The following ZNF831 variants were observed in gnomAD, a reference collection of about 807,000 sequenced individuals.
ZNF831 encodes zinc finger protein 831, also known as chromosome 20 open reading frame 174.
In ZNF831, 59 loss-of-function variants were observed where a neutral mutation model predicts 95.8. That is an observed-to-expected ratio of 0.62 (90% CI 0.50 to 0.77). The LOEUF (loss-of-function observed/expected upper bound fraction) is 0.77. ZNF831 is among the 30% of genes least tolerant of loss of function. The probability of loss-of-function intolerance (pLI) is 0.00; values close to 1 mark genes in which losing one functional copy is unlikely to be tolerated. For missense variants in ZNF831, 2,205 were observed against 2,164.0 expected (o/e 1.02, Z -0.38); for synonymous variants, 961 against 925.5 (o/e 1.04, Z -0.70).
chr20:59,158,944 G>A (rs901542807), upstream of ZNF831, among the ~76,000 whole-genome samples: 13 of 152,092 alleles, frequency 8.5e-5, no homozygotes, highest in African/African-American at 3.1e-4. Flanking sequence ...TTATGTGCAC[G>A]TCACCAGTCT....
At chr20:59,216,783 G>T (rs2146662510) in intron 4 of ZNF831, among the ~76,000 whole-genome samples, 1 of 152,194 alleles carries the variant, frequency 6.6e-6, no homozygotes, top group South Asian at 2.1e-4. Context: ...CCTCAGTCGG[G>T]GCCTGAAATT....
In ZNF831 at chr20:59,217,162, C is replaced by CTCTGTGTGTGTGTG. The variant is rs375503499; in HGVS notation, c.4027+10107_4027+10108insCTGTGTGTGTGTGT. 4.0e-5 allele frequency among the ~76,000 whole-genome samples: 6 copies of CTCTGTGTGTGTGTG among 148,618 alleles called. No individual in the cohort carries two copies. Among genetic ancestry groups the CTCTGTGTGTGTGTG allele is most frequent in the African/African-American group, 1.2e-4 (5 of 40,146 alleles). On this transcript the variant is annotated intron_variant, in intron 4 of 5. Coordinates refer to ENST00000371030, the MANE Select transcript of ZNF831 (RefSeq NM_178457.3). The surrounding 1 kb of genome is among the most constrained non-coding windows in gnomAD (Gnocchi z 4.4). ...GAGTACATCTGACAGATCTTCATCT[C>CTCTGTGTGTGTGTG]TGTGTGTGTGTGTGTGTGTGTGTGT...
chr20:59,233,043 C>CAT (rs1555834552), intron 4 of ZNF831, among the ~76,000 whole-genome samples: 2 of 134,374 alleles, frequency 1.5e-5, no homozygotes, highest in Non-Finnish European at 3.2e-5. Context: ...CACACACACA[C>CAT]ATAGAGAGAG....
chr20:59,160,322 C>T (rs1980779208), upstream of ZNF831: 1 of 152,336 alleles, frequency 6.6e-6, no homozygotes, highest in Admixed American at 6.5e-5. Flanking sequence ...GAGTTCAATT[C>T]CCAGAAGAGG....
chr20:59,220,861 A>G (rs560999252), intron 4 of ZNF831, among the ~76,000 whole-genome samples: 3 of 152,288 alleles, frequency 2.0e-5, no homozygotes, highest in Admixed American at 2.0e-4. Context: ...TTCTGGATTT[A>G]GAGGAATTGG....
intron 1 of ZNF831, among the ~76,000 whole-genome samples, chr20:59,136,541 G>C (rs1185493789): frequency 6.6e-6 from 1 of 152,156 alleles, no homozygotes; most frequent in African/African-American, 2.4e-5. Context: ...CCCAACTGTT[G>C]CTGCACCTGC....
intron 5 of ZNF831, 143 bp downstream of exon 5, chr20:59,253,281 C>G: frequency 1.2e-6 from 1 of 858,232 alleles, no homozygotes; most frequent in Non-Finnish European, 1.8e-6. Flanking sequence ...CCCATTAAGA[C>G]AAACAAATAA....
chr20:59,252,684 A>T (rs1189692363), intron 4 of ZNF831, among the ~76,000 whole-genome samples: 3 of 152,236 alleles, frequency 2.0e-5, no homozygotes, highest in Non-Finnish European at 4.4e-5. Flanking sequence ...CCAGGAATAC[A>T]ACTCTGATGA....
Position 59,253,025 on chromosome 20 carries a change from C to T in ZNF831, c.4075C>T (p.Pro1359Ser). Residue 1359 changes from proline (P) to serine (S), a missense_variant, in exon 5 of 6, where the codon CCT becomes TCT. By Grantham distance (74) the Pro-to-Ser change is moderately conservative. Coordinates refer to ENST00000371030, the MANE Select transcript of ZNF831 (RefSeq NM_178457.3). ...ATCTTGTGCCACCTCAGAATCACCTCCTTGTTGTGGGAAGGAAGAGAAGAA... is the reference window on the plus strand; with the variant it reads ...ATCTTGTGCCACCTCAGAATCACCTTCTTGTTGTGGGAAGGAAGAGAAGAA... Reference protein sequence around the residue: ...EPSCATSESPPCCGKEEKKEG... With the variant: ...EPSCATSESPSCCGKEEKKEG... 2 of 1,614,118 alleles carry T rather than the reference C, an allele frequency of 1.2e-6. No individual in the cohort carries two copies. Among genetic ancestry groups the T allele is most frequent in the Non-Finnish European group, 1.7e-6 (2 of 1,179,998 alleles).
chr20:59,167,449 C>T (rs758956126), intron 1 of ZNF831, among the ~76,000 whole-genome samples: 3 of 151,238 alleles, frequency 2.0e-5, no homozygotes, highest in African/African-American at 4.9e-5. Context: ...AAATTAACTT[C>T]GATGAGGTCC....
chr20:59,210,123 C>T (rs1601402086), intron 4 of ZNF831, among the ~76,000 whole-genome samples: 2 of 152,194 alleles, frequency 1.3e-5, no homozygotes, highest in East Asian at 3.8e-4. Flanking sequence ...AAGGCAGGGA[C>T]ACACACGGAC....
At position 59,187,071 on chromosome 20, in the gene ZNF831, C is replaced by T. The variant is rs979478485; in HGVS notation, c.-36-3913C>T. The stretch of plus-strand genomic sequence containing the variant: ...AGGTTGGGAAGAGCCAGAGGTGTGA[C>T]GTTCCACACTGCCAGGAAGCGTTCC... On this transcript the variant is annotated intron_variant, in intron 1 of 5. Transcript: ENST00000371030. 5.3e-5 allele frequency among the ~76,000 whole-genome samples: 8 copies of T among 152,198 alleles called. No homozygotes were observed. In the South Asian group the frequency reaches 1.7e-3, roughly 32 times the overall value.
chr20:59,247,328 T>C (rs945035637), intron 4 of ZNF831, among the ~76,000 whole-genome samples: 1 of 152,222 alleles, frequency 6.6e-6, no homozygotes, highest in Non-Finnish European at 1.5e-5. Flanking sequence ...GCTTGGTGAA[T>C]TTTTTATATA....
intron 4 of ZNF831, among the ~76,000 whole-genome samples, chr20:59,219,520 TG>T (rs1336006374): frequency 2.6e-5 from 4 of 152,140 alleles, no homozygotes; most frequent in Non-Finnish European, 5.9e-5. Flanking sequence ...TGACAAGGCC[TG>T]CTGGAGCGGA....
chr20:59,171,542 T>A (rs1233620795), intron 1 of ZNF831, among the ~76,000 whole-genome samples: 1 of 152,232 alleles, frequency 6.6e-6, no homozygotes. Flanking sequence ...AATGAGCAGA[T>A]GCAGTCATTG....
Position 59,198,719 on chromosome 20 carries a change from G to A in ZNF831, c.3875+2714G>A, listed in dbSNP as rs80252581. 9.0e-3 allele frequency among the ~76,000 whole-genome samples: 1,364 copies of A among 152,338 alleles called. 29 individuals are homozygous for A. Among genetic ancestry groups the A allele is most frequent in the African/African-American group, 0.032 (1,323 of 41,562 alleles). On this transcript the variant is annotated intron_variant, in intron 3 of 5. Coordinates refer to ENST00000371030, the MANE Select transcript of ZNF831 (RefSeq NM_178457.3). ...CCTGGCTGGGTCAAATGAGGAGGAAGCTGTTGAGCTTTTTATATGCACAAA... is the reference window on the plus strand; with the variant it reads ...CCTGGCTGGGTCAAATGAGGAGGAAACTGTTGAGCTTTTTATATGCACAAA...
chr20:59,230,483 A>AAAAT (rs61012313), intron 4 of ZNF831, among the ~76,000 whole-genome samples: 7,398 of 152,010 alleles, frequency 0.049, 328 homozygotes, highest in African/African-American at 0.12. Context: ...CTGTCTCACA[A>AAAAT]AAATAAATAA....
intron 1 of ZNF831, among the ~76,000 whole-genome samples, chr20:59,179,235 G>C (rs1186632104): frequency 6.6e-6 from 1 of 152,160 alleles, no homozygotes; most frequent in Non-Finnish European, 1.5e-5. Flanking sequence ...TCTTTATAGA[G>C]TCCATCAATG....
chr20:59,137,875 C>A (rs1178422715), intron 1 of ZNF831, among the ~76,000 whole-genome samples: 1 of 152,192 alleles, frequency 6.6e-6, no homozygotes, highest in Non-Finnish European at 1.5e-5. Flanking sequence ...CACCCACCCC[C>A]CAATTCCAAG....
Sources: allele counts gnomAD v4.1 joint callset (sites outside exome capture counted in the v4.1 genomes callset), GRCh38; gene constraint gnomAD v4.1.1; non-coding constraint Gnocchi (gnomAD v3.1); transcripts MANE v1.5; gene names NCBI Gene and HGNC (gene_info 2026-07-23, HGNC 2026-07-21).